Variants in WWTR1 observed in about 807,000 individuals in gnomAD.
WWTR1 encodes the protein WW domain containing transcription regulator 1.
In WWTR1, 13 loss-of-function variants were observed where a neutral mutation model predicts 40.1. That is an observed-to-expected ratio of 0.32 (90% CI 0.21 to 0.52). The LOEUF (loss-of-function observed/expected upper bound fraction) is 0.52. Among genes scored for constraint, WWTR1 ranks in the 20% least tolerant of loss-of-function variants. The pLI is 0.97. For synonymous variants in WWTR1, 230 were observed against 210.1 expected (o/e 1.09, Z -0.82); for missense variants, 436 against 523.1 (o/e 0.83, Z 1.63).
intron 2 of WWTR1, among the ~76,000 whole-genome samples, chr3:149,664,092 T>C (rs1240883947): frequency 6.6e-6 from 1 of 152,236 alleles, no homozygotes; most frequent in African/African-American, 2.4e-5. Flanking sequence ...GAATGACTGA[T>C]TTCAGCAAAG....
intron 2 of WWTR1, among the ~76,000 whole-genome samples, chr3:149,665,822 G>A (rs1269454798): frequency 6.6e-6 from 1 of 152,108 alleles, no homozygotes; most frequent in Non-Finnish European, 1.5e-5. Flanking sequence ...GCTTATATCT[G>A]TATATATGTG....
chr3:149,563,279 C>A (rs2107979012), intron 3 of WWTR1, among the ~76,000 whole-genome samples: 2 of 152,232 alleles, frequency 1.3e-5, no homozygotes, highest in South Asian at 4.1e-4. Flanking sequence ...CCTAAAAGGC[C>A]TCCCTCTTCC....
At chr3:149,583,649 G>A (rs143082097) in intron 2 of WWTR1, among the ~76,000 whole-genome samples, 112 of 152,294 alleles carry the variant, frequency 7.4e-4, no homozygotes, top group African/African-American at 2.6e-3. Context: ...AGAATATGGT[G>A]CTATTTCTAC....
chr3:149,525,115 G>A (rs958648653), intron 6 of WWTR1, among the ~76,000 whole-genome samples: 2 of 152,196 alleles, frequency 1.3e-5, no homozygotes, highest in African/African-American at 4.8e-5. Context: ...ACAGGCTGGG[G>A]ACAAGGTAAG....
intron 4 of WWTR1, among the ~76,000 whole-genome samples, chr3:149,539,915 C>G (rs2107932560): frequency 6.6e-6 from 1 of 152,158 alleles, no homozygotes; most frequent in East Asian, 1.9e-4. Context: ...ATTATATGGT[C>G]TTAAATCATA....
intron 1 of WWTR1, chr3:149,702,285 A>G (rs1715202080): frequency 6.6e-6 from 1 of 152,250 alleles, no homozygotes; most frequent in Non-Finnish European, 1.5e-5. Context: ...TACATTAAAC[A>G]ATGAACACTG....
chr3:149,588,723 A>C (rs1404072605), intron 2 of WWTR1, among the ~76,000 whole-genome samples: 1 of 152,184 alleles, frequency 6.6e-6, no homozygotes, highest in African/African-American at 2.4e-5. Flanking sequence ...AAAATGAGAA[A>C]GCTATCCTCC....
At chr3:149,555,713 A>AT (rs5853418) in intron 3 of WWTR1, among the ~76,000 whole-genome samples, 18,624 of 151,996 alleles carry the variant, frequency 0.12, 1,371 homozygotes, top group Middle Eastern at 0.18. Flanking sequence ...ACTATAGATG[A>AT]TTTTTTTTCT....
chr3:149,642,699 C>T (rs1246433581), intron 2 of WWTR1, among the ~76,000 whole-genome samples: 15 of 150,032 alleles, frequency 1.0e-4, no homozygotes, highest in African/African-American at 3.4e-4. Context: ...GGCCGGAACC[C>T]GGGAGGCGGA....
intron 1 of WWTR1, among the ~76,000 whole-genome samples, chr3:149,672,350 T>C (rs1418264968): frequency 1.3e-5 from 2 of 152,158 alleles, no homozygotes; most frequent in Admixed American, 1.3e-4. Flanking sequence ...GGAAGTGACA[T>C]ACATGATTTC....
chr3:149,664,045 G>A (rs1406742449), intron 2 of WWTR1, among the ~76,000 whole-genome samples: 1 of 152,240 alleles, frequency 6.6e-6, no homozygotes, highest in Non-Finnish European at 1.5e-5. Context: ...AGCTTCAGCT[G>A]CTTCTCAGCC....
chr3:149,540,513 T>G (rs1736044406), intron 4 of WWTR1, among the ~76,000 whole-genome samples: 1 of 152,194 alleles, frequency 6.6e-6, no homozygotes, highest in Admixed American at 6.5e-5. Flanking sequence ...TAAAGCTCAT[T>G]TAAGTATAAA....
intron 2 of WWTR1, among the ~76,000 whole-genome samples, chr3:149,617,731 T>C (rs1740056002): frequency 6.6e-6 from 1 of 151,912 alleles, no homozygotes; most frequent in Non-Finnish European, 1.5e-5. Flanking sequence ...ACCCGGGAGG[T>C]GGAGGTTAAC....
chr3:149,532,495 A>G (rs1363398696), intron 4 of WWTR1, among the ~76,000 whole-genome samples: 1 of 152,246 alleles, frequency 6.6e-6, no homozygotes, highest in Non-Finnish European at 1.5e-5. Flanking sequence ...GTTCGAATAT[A>G]AATGGAAAGT....
intron 6 of WWTR1, 118 bp from the exon 7 acceptor site, chr3:149,521,107 C>A (rs1735025434): frequency 3.3e-6 from 4 of 1,205,506 alleles, no homozygotes; most frequent in Non-Finnish European, 3.4e-6. Context: ...ATTATTGACC[C>A]TTACTCATAA....
At chr3:149,580,080 T>G (rs1323303957) in intron 2 of WWTR1, among the ~76,000 whole-genome samples, 1 of 152,224 alleles carries the variant, frequency 6.6e-6, no homozygotes, top group African/African-American at 2.4e-5. Context: ...GGAATTAGAA[T>G]ACAAGTATGC....
intron 1 of WWTR1, among the ~76,000 whole-genome samples, chr3:149,693,919 C>T (rs922472406): frequency 2.4e-4 from 37 of 152,092 alleles, no homozygotes; most frequent in African/African-American, 8.7e-4. Flanking sequence ...AACTATAAAA[C>T]AACTAAAAGA....
At chr3:149,586,036 T>TA (rs960345246) in intron 2 of WWTR1, among the ~76,000 whole-genome samples, 14 of 152,172 alleles carry the variant, frequency 9.2e-5, no homozygotes, top group African/African-American at 3.1e-4. Flanking sequence ...TGGATGTTAA[T>TA]AAAAAATACA....
chr3:149,683,133 T>G (rs1002862341), intron 1 of WWTR1, among the ~76,000 whole-genome samples: 5 of 152,180 alleles, frequency 3.3e-5, no homozygotes, highest in African/African-American at 1.2e-4. Context: ...TATTTCTGAG[T>G]GCTTACATAC....
Sources: allele counts gnomAD v4.1 joint callset (sites outside exome capture counted in the v4.1 genomes callset), GRCh38; gene constraint gnomAD v4.1.1; transcripts MANE v1.5; gene names NCBI Gene and HGNC (gene_info 2026-07-23, HGNC 2026-07-21).